LATS2: variants seen among roughly 807,000 people sequenced by gnomAD.
The protein encoded by LATS2 is large tumor suppressor kinase 2.
In LATS2, 24 loss-of-function variants were observed where a neutral mutation model predicts 76.0. That is an observed-to-expected ratio of 0.32 (90% confidence interval 0.23 to 0.44). The LOEUF (loss-of-function observed/expected upper bound fraction) is 0.44, where lower values mean the gene tolerates loss of function less well. Ranked by LOEUF, LATS2 falls within the 20% of genes least tolerant of loss-of-function variation. LATS2 has a pLI of 1.00. For synonymous variants in LATS2, 692 were observed against 635.4 expected (o/e 1.09, Z -1.34); for missense variants, 1,286 against 1,481.2 (o/e 0.87, Z 2.16).
chr13:21,029,550 T>C (rs1595245577), intron 2 of LATS2, among the ~76,000 whole-genome samples: 1 of 152,298 alleles, frequency 6.6e-6, no homozygotes, highest in East Asian at 1.9e-4. Flanking sequence ...CCCAGGACTT[T>C]GGGAGGCCAA....
chr13:21,053,526 G>C (rs1184027924), intron 1 of LATS2, among the ~76,000 whole-genome samples: 1 of 152,084 alleles, frequency 6.6e-6, no homozygotes, highest in South Asian at 2.1e-4. Context: ...AAAGACACAG[G>C]TAGTCACTCA....
In LATS2 at chr13:20,988,476, A is replaced by G; in HGVS notation, c.1304T>C (p.Val435Ala). Residue 435 changes from valine to alanine, a missense_variant, in exon 4 of 8, where the codon GTC becomes GCC. By Grantham distance (64) the Val-to-Ala change is moderately conservative. Coordinates refer to ENST00000382592, the MANE Select transcript of LATS2 (RefSeq NM_014572.3). ...SLPAPNTVTA[V>A]TAAHILHPVK... is the part of the protein sequence containing the mutation. ...CGGGTGCAAGATGTGCGCGGCCGTG[A>G]CAGCCGTCACGGTGTTGGGGGCGGG... 6 of 1,541,032 alleles carry G rather than the reference A, an allele frequency of 3.9e-6. No homozygotes were observed. Among genetic ancestry groups the G allele is most frequent in the Non-Finnish European group, 5.2e-6 (6 of 1,150,620 alleles).
intron 2 of LATS2, among the ~76,000 whole-genome samples, chr13:21,044,281 A>C (rs1168625845): frequency 6.6e-5 from 10 of 152,214 alleles, no homozygotes; most frequent in Non-Finnish European, 8.8e-5. Flanking sequence ...AATAAACTAC[A>C]AGAGGATTGA....
chr13:20,998,309 T>C lies in LATS2; in HGVS notation c.343-6905A>G, dbSNP rs535262305. On this transcript the variant is annotated intron_variant, in intron 2 of 7. Transcript: ENST00000382592. ...TGGAGGCTGCAGTGAGCTGAGATCATGCCACTGCACTCCAGCCTGGGAGAC... is the reference window on the plus strand; with the variant it reads ...TGGAGGCTGCAGTGAGCTGAGATCACGCCACTGCACTCCAGCCTGGGAGAC... Among the ~76,000 whole-genome samples, 330 of 152,198 alleles carry C rather than the reference T, an allele frequency of 2.2e-3. 4 individuals are homozygous for C. Among genetic ancestry groups the C allele is most frequent in the African/African-American group, 7.7e-3 (320 of 41,524 alleles).
At position 21,007,571 on chromosome 13, in the gene LATS2, A is replaced by ATATATAGTG. The variant is rs1871330933; in HGVS notation, c.343-16168_343-16167insCACTATATA. 1.6e-4 allele frequency among the ~76,000 whole-genome samples: 3 copies of ATATATAGTG among 18,498 alleles called. 1 individual carries two copies. Among genetic ancestry groups the ATATATAGTG allele is most frequent in the Non-Finnish European group, 2.2e-4 (3 of 13,872 alleles). 12.1% of individuals were successfully genotyped at this position (18,498 alleles called of 152,430 possible). A position where few individuals can be genotyped will look rare whatever the true frequency, so the allele number is the denominator to read the frequency against. ...TATATATATATATATATATATATAT[A>ATATATAGTG]TATATATATATATATAGTATATATA... On this transcript the variant is annotated intron_variant, in intron 2 of 7. Coordinates refer to ENST00000382592, the MANE Select transcript of LATS2 (RefSeq NM_014572.3).
chr13:21,029,530 T>C (rs1191585223), intron 2 of LATS2, among the ~76,000 whole-genome samples: 2 of 152,156 alleles, frequency 1.3e-5, no homozygotes, highest in Non-Finnish European at 2.9e-5. Context: ...CGGTGGCTCA[T>C]GCCTGTAATC....
In LATS2 at chr13:20,975,370, GA is replaced by G. The variant is rs1238791606; in HGVS notation, c.2773-7del. 6.5e-7 allele frequency: 1 copy of G among 1,541,490 alleles called. No individual in the cohort carries two copies. Among genetic ancestry groups the G allele is most frequent in the Non-Finnish European group, 8.7e-7 (1 of 1,145,618 alleles). On this transcript the variant is annotated splice_region_variant and splice_polypyrimidine_tract_variant and intron_variant, in intron 7 of 7. Coordinates refer to ENST00000382592, the MANE Select transcript of LATS2 (RefSeq NM_014572.3). ...GTGTTCTCCCAGTTGATCACCTGAG[GA>G]AACAACAGAGCCAACAGGTTAGTTT...
chr13:21,005,559 C>A (rs938581387), intron 2 of LATS2: 5 of 152,176 alleles, frequency 3.3e-5, no homozygotes, highest in African/African-American at 1.2e-4. Context: ...TAAGACAAAG[C>A]CCTGTCTGCT....
chr13:20,995,416 G>A (rs1870708935), intron 2 of LATS2, among the ~76,000 whole-genome samples: 1 of 152,224 alleles, frequency 6.6e-6, no homozygotes, highest in Admixed American at 6.5e-5. Context: ...CCAAGATGTG[G>A]AAAGGGTGAG....
rs755934489 is a variant in LATS2, at chr13:21,003,614, G to T, written c.343-12210C>A. 3.3e-5 allele frequency among the ~76,000 whole-genome samples: 5 copies of T among 152,022 alleles called. 1 individual carries two copies. Among genetic ancestry groups the T allele is most frequent in the Non-Finnish European group, 5.9e-5 (4 of 67,944 alleles). ...TCGCCACCACACCCGGCTAATTTTT[G>T]TATTTTTAGTAGAGATGGGGTTTCA... is the stretch of plus-strand genomic sequence containing the variant. On this transcript the variant is annotated intron_variant, in intron 2 of 7. Coordinates refer to ENST00000382592, the MANE Select transcript of LATS2 (RefSeq NM_014572.3).
chr13:20,983,235 T>A lies in LATS2; in HGVS notation c.2471A>T (p.Tyr824Phe). The A allele has an allele frequency of 6.2e-7, 1 of 1,609,848 alleles. No homozygotes were observed. The highest frequency in any genetic ancestry group is 8.5e-7 in the Non-Finnish European group (1 of 1,176,430). ...ACTTCAGACAATACCTTTCTGGTAA[T>A]ATTTGGAATTGTGAGTCCACCTGAA... ...TGFRWTHNSK[Y>F]YQKGSHVRQD... The change falls in exon 5 of 8, where the codon TAT becomes TTT. Residue 824 changes from tyrosine (Y) to phenylalanine (F), a missense_variant. Tyr to Phe is a conservative substitution (Grantham distance 22). Around this residue, in one of 5 missense-constraint regions of LATS2, gnomAD observed 247 missense variants for 385.4 expected, o/e 0.64. Transcript: ENST00000382592.
chr13:20,989,265 C>A lies in LATS2; in HGVS notation c.515G>T (p.Ser172Ile), dbSNP rs1340093991. ...AAACGAATCGCCGGTTCCTTCGAAG[C>A]TGGGCCTCCGCGTCACTGGGGTTGG... is the stretch of plus-strand genomic sequence containing the variant. ...LMPTPVTRRP[S>I]FEGTGDSFAS... The change falls in exon 4 of 8, where the codon AGC becomes ATC. Residue 172 changes from serine (S) to isoleucine (I), a missense_variant. By Grantham distance (142) the Ser-to-Ile change is moderately radical. Around this residue, in one of 5 missense-constraint regions of LATS2, gnomAD observed 710 missense variants for 660.9 expected, o/e 1.07. Transcript: ENST00000382592. The A allele has an allele frequency of 6.2e-7, 1 of 1,614,026 alleles. No individual in the cohort carries two copies.
chr13:21,045,992 G>C lies in LATS2; in HGVS notation c.35C>G (p.Ser12Cys). The C allele has an allele frequency of 6.2e-7, 1 of 1,613,746 alleles. No homozygotes were observed. Among genetic ancestry groups the C allele is most frequent in the South Asian group, 1.1e-5 (1 of 91,084 alleles). Reference sequence around the variant, plus strand: ...TTGCAGTCGCTGCCGGCTATTTCCAGAATAAGTCGTGGCAGGAAAAGTCTT... The same window carrying C: ...TTGCAGTCGCTGCCGGCTATTTCCACAATAAGTCGTGGCAGGAAAAGTCTT... ...RPKTFPATTYSGNSRQRLQEI... is the reference protein window; with the variant it reads ...RPKTFPATTYCGNSRQRLQEI... The change falls in exon 2 of 8, where the codon TCT becomes TGT. Residue 12 changes from serine to cysteine, a missense_variant. Physicochemically the swap from Ser to Cys is moderately radical, Grantham distance 112. This residue lies in a region of LATS2 where 101 missense variants were observed against 141.4 expected (regional missense o/e 0.71). Coordinates refer to ENST00000382592, the MANE Select transcript of LATS2 (RefSeq NM_014572.3).
chr13:21,000,870 G>A (rs1361203765), intron 2 of LATS2, among the ~76,000 whole-genome samples: 1 of 152,136 alleles, frequency 6.6e-6, no homozygotes, highest in Non-Finnish European at 1.5e-5. Flanking sequence ...TAGTAACTAT[G>A]TACACAAATC....
At position 20,973,377 on chromosome 13, in the gene LATS2, T is replaced by C. The variant is rs985846046; in HGVS notation, c.*1493A>G. ...TTATGCTAAGAACTTCAAGGAAAAA[T>C]ATGTGGAATAATATAATGAAAATTA... On this transcript the variant is annotated 3_prime_UTR_variant, in exon 8 of 8. Coordinates refer to ENST00000382592, the MANE Select transcript of LATS2 (RefSeq NM_014572.3). The C allele has an allele frequency of 4.3e-6, 1 of 231,474 alleles. No individual in the cohort carries two copies. The highest frequency in any genetic ancestry group is 8.6e-6 in the Non-Finnish European group (1 of 116,928). 14.3% of individuals were successfully genotyped at this position (231,474 alleles called of 1,614,324 possible).
intron 2 of LATS2, among the ~76,000 whole-genome samples, chr13:21,010,375 C>A (rs906289330): frequency 5.9e-5 from 9 of 151,906 alleles, no homozygotes; most frequent in African/African-American, 1.5e-4. Context: ...CAGGGACAAA[C>A]CCCCAGTCCT....
At position 20,979,700 on chromosome 13, in the gene LATS2, G is replaced by A. The variant is rs1421749934; in HGVS notation, c.2763C>T (p.Thr921=). The change falls in exon 7 of 8, where the codon ACC becomes ACT. Residue 921 remains threonine (T), a synonymous_variant. Transcript: ENST00000382592. Reference sequence around the variant, plus strand: ...GTTCCTCTCACATTACCTTCAGCTGGGTTTCTGTGGGAGTAGGTGCCAAAA... The same window carrying A: ...GTTCCTCTCACATTACCTTCAGCTGAGTTTCTGTGGGAGTAGGTGCCAAAA... The part of the protein sequence containing the change: ...PPFLAPTPTE[T]QLKVINWENT... 1 of 1,599,882 alleles carries A rather than the reference G, an allele frequency of 6.3e-7. No individual in the cohort carries two copies. Among genetic ancestry groups the A allele is most frequent in the Non-Finnish European group, 8.6e-7 (1 of 1,167,484 alleles).
At chr13:21,039,453 T>G (rs909626319) in intron 2 of LATS2, among the ~76,000 whole-genome samples, 2 of 152,218 alleles carry the variant, frequency 1.3e-5, no homozygotes, top group Non-Finnish European at 2.9e-5. Flanking sequence ...AGTGTTACCA[T>G]TTCTCTATAG....
At chr13:20,996,312 T>C in intron 2 of LATS2, among the ~76,000 whole-genome samples, 1 of 152,112 alleles carries the variant, frequency 6.6e-6, no homozygotes, top group Non-Finnish European at 1.5e-5. Context: ...GACTTTGAGA[T>C]TTCATTCACA....
Sources: allele counts gnomAD v4.1 joint callset (sites outside exome capture counted in the v4.1 genomes callset), GRCh38; gene constraint gnomAD v4.1.1; regional missense constraint gnomAD v4.1.1; transcripts MANE v1.5; gene names NCBI Gene and HGNC (gene_info 2026-07-23, HGNC 2026-07-21).